THRB: variants seen among roughly 807,000 people sequenced by gnomAD.
The protein encoded by THRB is nuclear receptor subfamily 1 group A member 2.
In THRB, 12 loss-of-function variants were observed where a neutral mutation model predicts 47.8. The ratio of observed to expected loss-of-function variants is 0.25; its 90% CI spans 0.16 to 0.41. THRB has a LOEUF of 0.41. Ranked by LOEUF, THRB falls within the 10% of genes least tolerant of loss-of-function variation. The probability of loss-of-function intolerance (pLI) is 1.00; values close to 1 mark genes in which losing one functional copy is unlikely to be tolerated. For missense variants in THRB, 348 were observed against 589.2 expected (o/e 0.59, Z 4.24); for synonymous variants, 218 against 212.2 (o/e 1.03, Z -0.24).
intron 1 of THRB, among the ~76,000 whole-genome samples, chr3:24,415,057 AATGTATACT>A (rs1302186714): frequency 1.3e-5 from 2 of 151,842 alleles, no homozygotes; most frequent in Non-Finnish European, 1.5e-5. Flanking sequence ...GCTTTCCAAA[AATGTATACT>A]GAAGAAACTT....
intron 1 of THRB, among the ~76,000 whole-genome samples, chr3:24,471,394 G>C (rs1451825723): frequency 6.6e-6 from 1 of 152,202 alleles, no homozygotes; most frequent in Non-Finnish European, 1.5e-5. Context: ...TAGGGGTTAA[G>C]GCATCTACAT....
chr3:24,454,193 G>T (rs139502113), intron 1 of THRB, among the ~76,000 whole-genome samples: 2 of 152,128 alleles, frequency 1.3e-5, no homozygotes, highest in South Asian at 4.1e-4. Context: ...GAATTTTATC[G>T]ATACATGGTA....
chr3:24,204,958 G>C (rs1259276831), intron 4 of THRB, among the ~76,000 whole-genome samples: 5 of 152,128 alleles, frequency 3.3e-5, no homozygotes, highest in Admixed American at 2.6e-4. Flanking sequence ...AGAGAAAAAA[G>C]AGTAAAAAGA....
At chr3:24,165,049 C>G (rs770349592) in intron 5 of THRB, 3 of 759,642 alleles carry the variant, frequency 3.9e-6, no homozygotes, top group African/African-American at 3.4e-5. Flanking sequence ...AATACGATGG[C>G]GACTGCACTT....
At chr3:24,204,993 T>C (rs1218615750) in intron 4 of THRB, among the ~76,000 whole-genome samples, 2 of 152,146 alleles carry the variant, frequency 1.3e-5, no homozygotes, top group Non-Finnish European at 2.9e-5. Flanking sequence ...CCAGGAAATA[T>C]GGGACTATAT....
chr3:24,422,581 C>G (rs957476832), intron 1 of THRB, among the ~76,000 whole-genome samples: 2 of 151,924 alleles, frequency 1.3e-5, no homozygotes, highest in Non-Finnish European at 2.9e-5. Context: ...ATTTCCATTT[C>G]TGGCAAAATG....
chr3:24,173,068 C>T lies in THRB; in HGVS notation c.283+17006G>A, dbSNP rs571593401. ...CAAATGGTGGTTTCTGAACCAGCAGCATTAGCATATCCTGGAACTTCTTAG... is the reference window on the plus strand; with the variant it reads ...CAAATGGTGGTTTCTGAACCAGCAGTATTAGCATATCCTGGAACTTCTTAG... On this transcript the variant is annotated intron_variant, in intron 5 of 10. Transcript: ENST00000646209. Among the ~76,000 whole-genome samples the T allele has an allele frequency of 1.2e-4, 19 of 152,284 alleles. 1 individual carries two copies. In the South Asian group the frequency reaches 3.9e-3, roughly 32 times the overall value.
chr3:24,222,994 C>T (rs1016494195), intron 4 of THRB, among the ~76,000 whole-genome samples: 3 of 152,152 alleles, frequency 2.0e-5, no homozygotes, highest in African/African-American at 7.2e-5. Flanking sequence ...GGAGCGTGTC[C>T]ATCTATCTAA....
At chr3:24,227,092 C>A (rs1306510213) in intron 4 of THRB, among the ~76,000 whole-genome samples, 1 of 151,618 alleles carries the variant, frequency 6.6e-6, no homozygotes, top group East Asian at 1.9e-4. Context: ...TTTGCCATTT[C>A]ATATGTCTTG....
intron 2 of THRB, among the ~76,000 whole-genome samples, chr3:24,307,124 T>C (rs911203070): frequency 3.9e-5 from 6 of 152,060 alleles, no homozygotes; most frequent in African/African-American, 7.2e-5. Context: ...AACAAGTATA[T>C]ACTCACTGAT....
At chr3:24,143,792 G>A in intron 7 of THRB, 86 bp from the exon 8 acceptor site, 8 of 1,373,398 alleles carry the variant, frequency 5.8e-6, no homozygotes, top group Non-Finnish European at 8.2e-6. Context: ...TCAGGAGTGG[G>A]ACCACTGATG....
intron 1 of THRB, among the ~76,000 whole-genome samples, chr3:24,346,969 T>C (rs1248447152): frequency 2.0e-5 from 3 of 152,038 alleles, no homozygotes; most frequent in African/African-American, 2.4e-5. Context: ...AGAATACACA[T>C]TGAACATTTA....
At chr3:24,375,584 TA>T (rs1422253470) in intron 1 of THRB, among the ~76,000 whole-genome samples, 2 of 149,502 alleles carry the variant, frequency 1.3e-5, no homozygotes, top group Admixed American at 1.3e-4. Flanking sequence ...ATATACAGAA[TA>T]AAAGAAAAAC....
chr3:24,179,934 G>A (rs530920535), intron 5 of THRB, among the ~76,000 whole-genome samples: 47 of 152,242 alleles, frequency 3.1e-4, no homozygotes, highest in South Asian at 1.5e-3. Flanking sequence ...TGAGCATGTC[G>A]TGTGTAAGAT....
intron 4 of THRB, among the ~76,000 whole-genome samples, chr3:24,200,119 G>A (rs1314009013): frequency 1.3e-5 from 2 of 152,148 alleles, no homozygotes; most frequent in Admixed American, 6.5e-5. Flanking sequence ...AAGCTACAGT[G>A]GTTGCAGAAA....
chr3:24,161,225 T>A (rs2038762573), intron 5 of THRB, among the ~76,000 whole-genome samples: 1 of 152,262 alleles, frequency 6.6e-6, no homozygotes, highest in Admixed American at 6.5e-5. Flanking sequence ...ACAGCATGTG[T>A]GTGGCAGTAC....
chr3:24,153,811 T>C (rs2037385294), intron 5 of THRB, among the ~76,000 whole-genome samples: 1 of 152,194 alleles, frequency 6.6e-6, no homozygotes, highest in Non-Finnish European at 1.5e-5. Context: ...AGGAAGAGGC[T>C]GAGAAACAAT....
intron 4 of THRB, among the ~76,000 whole-genome samples, chr3:24,207,027 C>T (rs2045448835): frequency 6.6e-6 from 1 of 152,070 alleles, no homozygotes; most frequent in Admixed American, 6.6e-5. Context: ...AAAAAAAGTC[C>T]AGGACCAGAC....
At chr3:24,437,924 C>T (rs552843879) in intron 1 of THRB, among the ~76,000 whole-genome samples, 1 of 151,548 alleles carries the variant, frequency 6.6e-6, no homozygotes, top group African/African-American at 2.4e-5. Context: ...TGTCTCAGCT[C>T]TCCTACTATT....
Sources: gnomAD v4.1 joint callset for allele counts (sites outside exome capture counted in the v4.1 genomes callset) on GRCh38, gnomAD v4.1.1 for gene constraint, MANE v1.5 for transcripts, NCBI Gene and HGNC (gene_info 2026-07-23, HGNC 2026-07-21) for gene names.